Variants in COL26A1 observed in about 807,000 individuals in gnomAD.
COL26A1 encodes the protein collagen type XXVI alpha 1 chain, also known as collagen alpha-1(XXVI) chain.
In COL26A1, 41 loss-of-function variants were observed where a neutral mutation model predicts 59.3. The ratio of observed to expected loss-of-function variants is 0.69; its 90% CI spans 0.54 to 0.90. The LOEUF (loss-of-function observed/expected upper bound fraction) is 0.90, where lower values mean the gene tolerates loss of function less well. Ranked by LOEUF, COL26A1 falls within the 40% of genes least tolerant of loss-of-function variation. The pLI is 0.00. For synonymous variants in COL26A1, 266 were observed against 256.0 expected (o/e 1.04, Z -0.37); for missense variants, 612 against 602.3 (o/e 1.02, Z -0.17).
intron 3 of COL26A1, among the ~76,000 whole-genome samples, chr7:101,469,011 T>G (rs1793831148): frequency 6.6e-6 from 1 of 152,134 alleles, no homozygotes; most frequent in Non-Finnish European, 1.5e-5. Context: ...AGAGAGACTC[T>G]CCCAGCACAA....
At chr7:101,460,440 C>T (rs1164487225) in intron 3 of COL26A1, among the ~76,000 whole-genome samples, 1 of 152,054 alleles carries the variant, frequency 6.6e-6, no homozygotes, top group Non-Finnish European at 1.5e-5. Context: ...TCCCCACTGG[C>T]TCTTTCCCAT....
intron 9 of COL26A1, among the ~76,000 whole-genome samples, chr7:101,550,701 G>A (rs1486768996): frequency 6.6e-6 from 1 of 152,100 alleles, no homozygotes; most frequent in Non-Finnish European, 1.5e-5. Context: ...GGTCAGCTGG[G>A]TGGCGATGTC....
At position 101,540,016 on chromosome 7, in the gene COL26A1, G is replaced by C; in HGVS notation, c.571G>C (p.Val191Leu). The change falls in exon 5 of 13, where the codon GTG (valine) becomes CTG (leucine). Residue 191 changes from valine (V) to leucine (L), a missense_variant. Val to Leu is a conservative substitution (Grantham distance 32). Coordinates refer to ENST00000313669, the MANE Select transcript of COL26A1 (RefSeq NM_001278563.3). ...CGACGCCATCCCTCTTGCTCACCCT[G>C]TGCCACGACAGAGAAGGCCCACGGG... ...LPDAIPLAHP[V>L]PRQRRPTGPA... 6.2e-7 allele frequency: 1 copy of C among 1,613,460 alleles called. No individual in the cohort carries two copies. Among genetic ancestry groups the C allele is most frequent in the Non-Finnish European group, 8.5e-7 (1 of 1,179,810 alleles).
At chr7:101,530,954 T>TTTTTTTG (rs1346538464) in intron 3 of COL26A1, among the ~76,000 whole-genome samples, 4 of 152,086 alleles carry the variant, frequency 2.6e-5, no homozygotes, top group Non-Finnish European at 5.9e-5. Context: ...ATTTCTTGTT[T>TTTTTTTG]TTTTTTGTTT....
chr7:101,476,903 G>T (rs1284603000), intron 3 of COL26A1, among the ~76,000 whole-genome samples: 1 of 150,894 alleles, frequency 6.6e-6, no homozygotes, highest in Non-Finnish European at 1.5e-5. Flanking sequence ...AAGTGCACTG[G>T]CACGATCTCG....
At position 101,428,357 on chromosome 7, in the gene COL26A1, C is replaced by CAA. The variant is rs10565419; in HGVS notation, c.281+8273_281+8274dup. Among the ~76,000 whole-genome samples, 5 of 130,630 alleles carry CAA rather than the reference C, an allele frequency of 3.8e-5. No homozygotes were observed. The East Asian group carries it at 9.4e-4, about 25-fold the overall frequency. 85.7% of individuals were successfully genotyped at this position (130,630 alleles called of 152,430 possible). ...TGGGCAACACAGTGAGACCCTGTCTCAAAAAAAAAAAAAAAAGGCAAAGAG... is the reference window on the plus strand; with the variant it reads ...TGGGCAACACAGTGAGACCCTGTCTCAAAAAAAAAAAAAAAAAAGGCAAAGAG... On this transcript the variant is annotated intron_variant, in intron 2 of 12. Transcript: ENST00000313669.
intron 4 of COL26A1, among the ~76,000 whole-genome samples, chr7:101,537,611 G>C (rs143209020): frequency 0.021 from 3,177 of 152,326 alleles, 51 homozygotes; most frequent in Non-Finnish European, 0.03. Context: ...AGGTCTGCAG[G>C]CTCTGTGGGC....
chr7:101,512,002 GTAA>G (rs1563020343), intron 3 of COL26A1, among the ~76,000 whole-genome samples: 2 of 151,804 alleles, frequency 1.3e-5, no homozygotes, highest in South Asian at 4.2e-4. Context: ...GTCTCTAAAA[GTAA>G]TAATAATAAA....
chr7:101,546,023 C>T (rs1584503974), intron 7 of COL26A1, among the ~76,000 whole-genome samples: 1 of 152,220 alleles, frequency 6.6e-6, no homozygotes, highest in Admixed American at 6.5e-5. Context: ...AAACAAACTC[C>T]GGCCCTCGGG....
chr7:101,525,641 T>G (rs557625510), intron 3 of COL26A1, among the ~76,000 whole-genome samples: 2 of 150,728 alleles, frequency 1.3e-5, no homozygotes, highest in African/African-American at 2.4e-5. Flanking sequence ...GGACTACAGG[T>G]GCCCACCATC....
chr7:101,434,198 C>A, intron 2 of COL26A1, among the ~76,000 whole-genome samples: 1 of 136,456 alleles, frequency 7.3e-6, no homozygotes, highest in South Asian at 2.6e-4. Context: ...CTCTCTCTCT[C>A]TCTCCCGCCC....
At chr7:101,452,812 T>A (rs1469658333) in intron 3 of COL26A1, among the ~76,000 whole-genome samples, 1 of 152,056 alleles carries the variant, frequency 6.6e-6, no homozygotes, top group Non-Finnish European at 1.5e-5. Flanking sequence ...TCAGCCAGGC[T>A]GAAGTGCAGT....
chr7:101,423,111 G>A (rs1025646627), intron 2 of COL26A1, among the ~76,000 whole-genome samples: 21 of 151,750 alleles, frequency 1.4e-4, no homozygotes, highest in Admixed American at 1.3e-4. Context: ...CTAAAAATAC[G>A]AAAATTAGCC....
intron 1 of COL26A1, among the ~76,000 whole-genome samples, chr7:101,390,148 G>GTTTTTTTTTTTTTTTTTTTTTTTT (rs60091954): frequency 1.4e-5 from 1 of 72,374 alleles, no homozygotes; most frequent in Non-Finnish European, 2.6e-5. Context: ...CATGTTAAGG[G>GTTTTTTTTTTTTTTTTTTTTTTTT]TTTTTTTTTT....
intron 2 of COL26A1, among the ~76,000 whole-genome samples, chr7:101,444,713 C>T (rs893426117): frequency 1.3e-5 from 2 of 151,920 alleles, no homozygotes; most frequent in Non-Finnish European, 2.9e-5. Context: ...CCGTGCCTGG[C>T]CCCTTTTCTT....
intron 1 of COL26A1, among the ~76,000 whole-genome samples, chr7:101,402,134 G>A (rs1157613310): frequency 6.6e-6 from 1 of 152,152 alleles, no homozygotes; most frequent in Non-Finnish European, 1.5e-5. Flanking sequence ...GTGTGTGGCG[G>A]GGGTGCCACC....
chr7:101,500,126 CTA>C (rs1178338768), intron 3 of COL26A1, among the ~76,000 whole-genome samples: 1 of 152,142 alleles, frequency 6.6e-6, no homozygotes, highest in Non-Finnish European at 1.5e-5. Flanking sequence ...TTGGGGCCTG[CTA>C]TTGTGGCTGT....
At chr7:101,429,086 G>A (rs945313727) in intron 2 of COL26A1, among the ~76,000 whole-genome samples, 1 of 151,772 alleles carries the variant, frequency 6.6e-6, no homozygotes, top group Non-Finnish European at 1.5e-5. Flanking sequence ...ACCACGCCTG[G>A]CTAATTTTTG....
At position 101,402,678 on chromosome 7, in the gene COL26A1, C is replaced by T. The variant is rs796530115; in HGVS notation, c.159-17299C>T. ...TCCTTCCTTCCCTCCCTCCCTCCTT[C>T]CCTCCCTCCTTTCACTGCTTCCTTT... is the stretch of plus-strand genomic sequence containing the variant. On this transcript the variant is annotated intron_variant, in intron 1 of 12. Transcript: ENST00000313669. Among the ~76,000 whole-genome samples, 716 of 114,674 alleles carry T rather than the reference C, an allele frequency of 6.2e-3. 10 individuals are homozygous for T. Among genetic ancestry groups the T allele is most frequent in the African/African-American group, 0.023 (675 of 29,012 alleles). 75.2% of individuals were successfully genotyped at this position (114,674 alleles called of 152,430 possible). A position where few individuals can be genotyped will look rare whatever the true frequency, so the allele number is the denominator to read the frequency against.
Sources: allele counts gnomAD v4.1 joint callset (sites outside exome capture counted in the v4.1 genomes callset), GRCh38; gene constraint gnomAD v4.1.1; transcripts MANE v1.5; gene names NCBI Gene and HGNC (gene_info 2026-07-23, HGNC 2026-07-21).